Variants in HDAC9 observed in about 807,000 individuals in gnomAD.
HDAC9 encodes MEF-2 interacting transcription repressor (MITR) protein.
In HDAC9, 41 loss-of-function variants were observed where a neutral mutation model predicts 139.4. The ratio of observed to expected loss-of-function variants is 0.29; its 90% CI spans 0.23 to 0.38. The LOEUF (loss-of-function observed/expected upper bound fraction) is 0.38. HDAC9 is among the 10% of genes least tolerant of loss of function. The pLI, the probability that HDAC9 is intolerant of heterozygous loss-of-function variation, is 1.00. For missense variants in HDAC9, 1,147 were observed against 1,297.0 expected, an observed-to-expected ratio of 0.88 and a Z score of 1.78; for synonymous variants, 517 against 476.2, an observed-to-expected ratio of 1.09 and a Z score of -1.12.
intron 1 of HDAC9, among the ~76,000 whole-genome samples, chr7:18,365,941 T>C (rs1019512098): frequency 7.2e-6 from 1 of 138,092 alleles, no homozygotes; most frequent in East Asian, 2.2e-4. Context: ...CCTTTAGTGT[T>C]GTTTTCAGTT....
chr7:18,420,882 G>A (rs1002592242), intron 1 of HDAC9, among the ~76,000 whole-genome samples: 3 of 152,192 alleles, frequency 2.0e-5, no homozygotes, highest in African/African-American at 7.2e-5. Flanking sequence ...CCAAGGACTA[G>A]CGTGTAAGCT....
intron 12 of HDAC9, among the ~76,000 whole-genome samples, chr7:18,692,586 T>A (rs1434679965): frequency 6.6e-6 from 1 of 152,134 alleles, no homozygotes; most frequent in Non-Finnish European, 1.5e-5. Flanking sequence ...TAAATCTATT[T>A]ATCTCAGACT....
intron 2 of HDAC9, among the ~76,000 whole-genome samples, chr7:18,169,608 C>G (rs1788264969): frequency 6.6e-6 from 1 of 152,116 alleles, no homozygotes; most frequent in Admixed American, 6.5e-5. Context: ...TATCCCTCCC[C>G]CTGTCCCCCA....
chr7:18,699,533 C>T (rs565212863), intron 12 of HDAC9, among the ~76,000 whole-genome samples: 2 of 152,044 alleles, frequency 1.3e-5, no homozygotes, highest in South Asian at 2.1e-4. Flanking sequence ...AACATGACAA[C>T]GAACTTTAGA....
intron 2 of HDAC9, among the ~76,000 whole-genome samples, chr7:18,534,323 G>A (rs1033594938): frequency 3.3e-5 from 5 of 152,300 alleles, no homozygotes; most frequent in Middle Eastern, 3.4e-3. Context: ...GGGAGGCTGA[G>A]GCAGGAGGGC....
chr7:18,476,913 C>T (rs1010883995), intron 1 of HDAC9, among the ~76,000 whole-genome samples: 1 of 152,106 alleles, frequency 6.6e-6, no homozygotes, highest in Non-Finnish European at 1.5e-5. Flanking sequence ...TAAGTTTGCC[C>T]CCTGGAGGTC....
chr7:18,719,449 C>T (rs939530484), intron 12 of HDAC9, among the ~76,000 whole-genome samples: 1 of 147,028 alleles, frequency 6.8e-6, no homozygotes, highest in Admixed American at 7.0e-5. Flanking sequence ...AAACGATTCT[C>T]CTGCCTCAGC....
At chr7:18,326,478 A>G (rs1030966864) in intron 1 of HDAC9, among the ~76,000 whole-genome samples, 1 of 152,002 alleles carries the variant, frequency 6.6e-6, no homozygotes, top group African/African-American at 2.4e-5. Flanking sequence ...ACTTCTCTAT[A>G]GGAATTACCA....
intron 2 of HDAC9, among the ~76,000 whole-genome samples, chr7:18,220,845 A>G (rs1792646582): frequency 6.6e-6 from 1 of 152,178 alleles, no homozygotes; most frequent in Admixed American, 6.5e-5. Flanking sequence ...GAAGAAAGCA[A>G]TCAGATTCCA....
chr7:18,934,391 C>G (rs1270002361), intron 22 of HDAC9, among the ~76,000 whole-genome samples: 2 of 151,896 alleles, frequency 1.3e-5, no homozygotes, highest in Non-Finnish European at 2.9e-5. Context: ...AATCTTAAAG[C>G]ATTAGCAAAA....
intron 13 of HDAC9, among the ~76,000 whole-genome samples, chr7:18,743,452 T>A (rs975586221): frequency 1.3e-5 from 2 of 152,222 alleles, no homozygotes; most frequent in Non-Finnish European, 2.9e-5. Flanking sequence ...TTTTTAGGCA[T>A]TATATCATTT....
At chr7:18,212,347 T>C (rs1232450533) in intron 2 of HDAC9, among the ~76,000 whole-genome samples, 3 of 152,200 alleles carry the variant, frequency 2.0e-5, no homozygotes, top group Admixed American at 6.5e-5. Context: ...TATTACATTT[T>C]CTTACAATAA....
At chr7:18,125,316 G>C (rs1784591269) in intron 1 of HDAC9, among the ~76,000 whole-genome samples, 1 of 152,072 alleles carries the variant, frequency 6.6e-6, no homozygotes, top group Non-Finnish European at 1.5e-5. Context: ...CAAAGGTTTT[G>C]GGGCTGTGAG....
intron 1 of HDAC9, among the ~76,000 whole-genome samples, chr7:18,149,056 G>T (rs1471582675): frequency 2.0e-5 from 3 of 152,116 alleles, no homozygotes; most frequent in Non-Finnish European, 2.9e-5. Context: ...CTCTGAAAGT[G>T]TATGAAAATT....
chr7:18,825,698 TTA>T (rs1303460584), intron 17 of HDAC9, among the ~76,000 whole-genome samples: 2 of 149,288 alleles, frequency 1.3e-5, no homozygotes, highest in Non-Finnish European at 1.5e-5. Flanking sequence ...GACAAAGATT[TTA>T]TATATATATA....
At chr7:18,784,755 G>C (rs573512852) in intron 16 of HDAC9, among the ~76,000 whole-genome samples, 1 of 152,182 alleles carries the variant, frequency 6.6e-6, no homozygotes, top group East Asian at 1.9e-4. Flanking sequence ...CAAAGATAGT[G>C]AACAATTAGA....
chr7:18,530,273 A>G (rs568696675), intron 2 of HDAC9, among the ~76,000 whole-genome samples: 19 of 152,184 alleles, frequency 1.2e-4, no homozygotes, highest in Non-Finnish European at 2.8e-4. Flanking sequence ...AAAACAAAAC[A>G]AAAAAGAATG....
chr7:18,247,036 A>G (rs897804646), intron 2 of HDAC9, among the ~76,000 whole-genome samples: 2 of 152,040 alleles, frequency 1.3e-5, no homozygotes, highest in South Asian at 4.1e-4. Flanking sequence ...ATTAACTGAG[A>G]CAGGGAAGCT....
At chr7:18,560,781 G>C (rs1026605339) in intron 2 of HDAC9, among the ~76,000 whole-genome samples, 1 of 152,096 alleles carries the variant, frequency 6.6e-6, no homozygotes, top group South Asian at 2.1e-4. Context: ...GAATTGTGGG[G>C]ACCATAGAGC....
Sources: allele counts gnomAD v4.1 joint callset (sites outside exome capture counted in the v4.1 genomes callset), GRCh38; gene constraint gnomAD v4.1.1; transcripts MANE v1.5; gene names NCBI Gene and HGNC (gene_info 2026-07-23, HGNC 2026-07-21).